Variants in RASSF5 observed in about 807,000 individuals in gnomAD.
RASSF5 encodes the protein Ras association domain family member 5.
Under a neutral mutation model 40.5 loss-of-function variants are expected in RASSF5, and 25 were observed. The observed-to-expected ratio is 0.62, with a 90% CI of 0.45 to 0.86. The LOEUF (loss-of-function observed/expected upper bound fraction) is 0.86, where lower values mean the gene tolerates loss of function less well. Among genes scored for constraint, RASSF5 ranks in the 40% least tolerant of loss-of-function variants. RASSF5 has a pLI of 0.00. For missense variants in RASSF5, 521 were observed against 572.8 expected (o/e 0.91, Z 0.92); for synonymous variants, 246 against 252.4 (o/e 0.97, Z 0.24).
At chr1:206,532,058 G>GA (rs11378863) in intron 1 of RASSF5, among the ~76,000 whole-genome samples, 82,219 of 149,956 alleles carry the variant, frequency 0.55, 22,713 homozygotes, top group African/African-American at 0.64. Context: ...TCTCAAAAAA[G>GA]AAAAAAAAAA....
intron 2 of RASSF5, among the ~76,000 whole-genome samples, chr1:206,546,089 A>ATTTTTTTTTTTTTTTTTTTTT (rs10603701): frequency 4.1e-5 from 2 of 48,248 alleles, no homozygotes; most frequent in African/African-American, 8.1e-5. Context: ...TTCTTTTTCT[A>ATTTTTTTTTTTTTTTTTTTTT]TTTTTTTTTT....
rs201794482 is a variant in RASSF5 at position 206,545,979 on chromosome 1, C to T, written c.579+7686C>T. The stretch of plus-strand genomic sequence containing the variant: ...TTTTTTTTTTTTTTTTTGAGACAGT[C>T]TTGCTCTGTCACCCAGGCTGGAGTG... On this transcript the variant is annotated intron_variant, in intron 2 of 5. Coordinates refer to ENST00000579436, the MANE Select transcript of RASSF5 (RefSeq NM_182663.4). Among the ~76,000 whole-genome samples, 38 of 135,146 alleles carry T rather than the reference C, an allele frequency of 2.8e-4. No individual in the cohort carries two copies. In the East Asian group the frequency reaches 3.4e-3, roughly 12 times the overall value. 88.7% of individuals were successfully genotyped at this position (135,146 alleles called of 152,430 possible). A position where few individuals can be genotyped will look rare whatever the true frequency, so the allele number is the denominator to read the frequency against.
intron 2 of RASSF5, among the ~76,000 whole-genome samples, chr1:206,553,698 C>T (rs1322725049): frequency 1.3e-5 from 2 of 152,110 alleles, no homozygotes; most frequent in Non-Finnish European, 2.9e-5. Context: ...CCAAGGAGAG[C>T]AGGGGTACAC....
chr1:206,533,368 G>C (rs968558491), intron 1 of RASSF5, among the ~76,000 whole-genome samples: 1 of 152,158 alleles, frequency 6.6e-6, no homozygotes, highest in African/African-American at 2.4e-5. Flanking sequence ...ACCGCCATCT[G>C]TTTGGGCCTA....
rs1667367250 is a variant in RASSF5 at position 206,535,701 on chromosome 1, GTCTGTGTGTGTGTGGTGT to G, written c.458-2470_458-2453del. ...GTTTTCAGGGTGTGTGTGTGTGTGT[GTCTGTGTGTGTGTGGTGT>G]GTGTGTGTGTGTGTGTGTGTGTGTG... On this transcript the variant is annotated intron_variant, in intron 1 of 5. Coordinates refer to ENST00000579436, the MANE Select transcript of RASSF5 (RefSeq NM_182663.4). This position sits in a 1 kb window ranked among gnomAD's most constrained non-coding sequence, Gnocchi z 5.0. 8.5e-6 allele frequency among the ~76,000 whole-genome samples: 1 copy of G among 117,568 alleles called. No homozygotes were observed. The highest frequency in any genetic ancestry group is 3.4e-5 in the African/African-American group (1 of 29,508). 77.1% of individuals were successfully genotyped at this position (117,568 alleles called of 152,430 possible).
intron 2 of RASSF5, among the ~76,000 whole-genome samples, chr1:206,569,415 CAG>C (rs1304260820): frequency 6.6e-6 from 1 of 152,170 alleles, no homozygotes; most frequent in Non-Finnish European, 1.5e-5. Flanking sequence ...TAGCAACCCT[CAG>C]AGAGAAGACA....
intron 2 of RASSF5, chr1:206,557,061 A>G (rs1057118558): frequency 8.2e-5 from 70 of 855,616 alleles, no homozygotes; most frequent in Non-Finnish European, 9.7e-5. Flanking sequence ...CCCTGAGTCC[A>G]CTTGCCACCG....
chr1:206,557,884 C>T (rs557046579), intron 2 of RASSF5, among the ~76,000 whole-genome samples: 1 of 152,172 alleles, frequency 6.6e-6, no homozygotes, highest in Non-Finnish European at 1.5e-5. Flanking sequence ...TTGGTCAGCC[C>T]TCCTCACAGC....
At chr1:206,542,109 A>C (rs2103526094) in intron 2 of RASSF5, 1 of 152,430 alleles carries the variant, frequency 6.6e-6, no homozygotes, top group East Asian at 1.9e-4. Flanking sequence ...CCAGTGCTCA[A>C]ATTTTATGCC....
intron 1 of RASSF5, among the ~76,000 whole-genome samples, chr1:206,514,673 G>A (rs1025577313): frequency 2.6e-5 from 4 of 152,142 alleles, no homozygotes; most frequent in African/African-American, 9.7e-5. Flanking sequence ...CAGACTCCAG[G>A]TTCATGAAAG....
At chr1:206,566,372 T>A (rs1385419550) in intron 2 of RASSF5, among the ~76,000 whole-genome samples, 1 of 152,218 alleles carries the variant, frequency 6.6e-6, no homozygotes, top group Non-Finnish European at 1.5e-5. Context: ...CGTTTTTTCC[T>A]GTTCTAGTCT....
At chr1:206,541,231 C>T (rs1019017692) in intron 2 of RASSF5, among the ~76,000 whole-genome samples, 5 of 152,226 alleles carry the variant, frequency 3.3e-5, no homozygotes, top group African/African-American at 1.2e-4. Flanking sequence ...CATTTATTTT[C>T]CTCCATCCAG....
chr1:206,571,979 G>A (rs1403653024), intron 2 of RASSF5, among the ~76,000 whole-genome samples: 1 of 152,098 alleles, frequency 6.6e-6, no homozygotes, highest in Non-Finnish European at 1.5e-5. Context: ...GCTAAAAAGG[G>A]GGCTTCATGA....
intron 1 of RASSF5, among the ~76,000 whole-genome samples, chr1:206,525,600 T>A (rs1667078625): frequency 6.6e-6 from 1 of 152,130 alleles, no homozygotes; most frequent in African/African-American, 2.4e-5. Context: ...TTTGGAGAGC[T>A]GTTTTACAAA....
At chr1:206,517,184 G>A (rs1666770456) in intron 1 of RASSF5, among the ~76,000 whole-genome samples, 1 of 152,130 alleles carries the variant, frequency 6.6e-6, no homozygotes, top group African/African-American at 2.4e-5. Flanking sequence ...TAAGGGATAG[G>A]TGTCCCTGCT....
In RASSF5 at chr1:206,584,613, T is replaced by A. The variant is rs782662751; in HGVS notation, c.917T>A (p.Leu306His). The A allele has an allele frequency of 1.9e-6, 3 of 1,614,200 alleles. No individual in the cohort carries two copies. The highest frequency in any genetic ancestry group is 1.6e-4 in the Middle Eastern group (1 of 6,062). ...GTCAGTGAGGTCATCCAGGGGCTGC[T>A]CAAGAAGTTCATGGTTGTGGACAAT... ...TTVSEVIQGL[L>H]KKFMVVDNPQ... Residue 306 changes from leucine (L) to histidine (H), a missense_variant, in exon 4 of 6, where the codon CTC becomes CAC. By Grantham distance (99) the Leu-to-His change is moderately conservative. Around this residue, in one of 2 missense-constraint regions of RASSF5, gnomAD observed 284 missense variants for 360.8 expected, o/e 0.79. Transcript: ENST00000579436. The surrounding 1 kb of genome is among the most constrained non-coding windows in gnomAD (Gnocchi z 4.9).
At chr1:206,556,348 T>C (rs1011652183) in intron 2 of RASSF5, among the ~76,000 whole-genome samples, 2 of 152,208 alleles carry the variant, frequency 1.3e-5, no homozygotes, top group Admixed American at 6.5e-5. Flanking sequence ...GAGTCAATGA[T>C]AGAGTGCACG....
At chr1:206,544,942 A>C (rs1553399923) in intron 2 of RASSF5, 2 of 151,754 alleles carry the variant, frequency 1.3e-5, no homozygotes, top group East Asian at 3.9e-4. Context: ...CCCTCAGCCC[A>C]ACAGCCACGT....
intron 1 of RASSF5, among the ~76,000 whole-genome samples, chr1:206,525,228 C>A (rs1414272928): frequency 6.6e-6 from 1 of 152,162 alleles, no homozygotes; most frequent in African/African-American, 2.4e-5. Flanking sequence ...CACACCCACC[C>A]ACACCCACCC....
Sources: allele counts gnomAD v4.1 joint callset (sites outside exome capture counted in the v4.1 genomes callset), GRCh38; gene constraint gnomAD v4.1.1; regional missense constraint gnomAD v4.1.1; non-coding constraint Gnocchi (gnomAD v3.1); transcripts MANE v1.5; gene names NCBI Gene and HGNC (gene_info 2026-07-23, HGNC 2026-07-21).